The following PITPNM3 variants were observed in gnomAD, a reference collection of about 807,000 sequenced individuals.
PITPNM3 encodes PITPNM family member 3.
In PITPNM3, 26 loss-of-function variants were observed where a neutral mutation model predicts 102.0. That is an observed-to-expected ratio of 0.25 (90% CI 0.19 to 0.35). The LOEUF is 0.35. Among genes scored for constraint, PITPNM3 ranks in the 10% least tolerant of loss-of-function variants. PITPNM3 has a pLI of 1.00. For missense variants in PITPNM3, 1,083 were observed against 1,346.1 expected, an observed-to-expected ratio of 0.80 and a Z score of 3.06; for synonymous variants, 578 against 558.6, an observed-to-expected ratio of 1.03 and a Z score of -0.49.
At chr17:6,506,564 GT>G (rs1907522860) in intron 3 of PITPNM3, among the ~76,000 whole-genome samples, 2 of 152,122 alleles carry the variant, frequency 1.3e-5, no homozygotes, top group Admixed American at 1.3e-4. Context: ...TAAAGATGGG[GT>G]TTTACCATGT....
At chr17:6,456,557 C>G (rs1381991506) in intron 19 of PITPNM3, among the ~76,000 whole-genome samples, 1 of 152,174 alleles carries the variant, frequency 6.6e-6, no homozygotes, top group Non-Finnish European at 1.5e-5. Context: ...GCCCTCTCCC[C>G]GCCCCTAGGC....
rs534317191 is a variant in PITPNM3, at chr17:6,483,826, C to T, written c.352-74G>A. 6 of 1,257,824 alleles carry T rather than the reference C, an allele frequency of 4.8e-6. No homozygotes were observed. The South Asian group carries it at 7.2e-5, about 15-fold the overall frequency. 77.9% of individuals were successfully genotyped at this position (1,257,824 alleles called of 1,614,324 possible). ...GGGGAGGCACACAGGGACACACACA[C>T]ACATGTGCGCATACACACACACTCA... On this transcript the variant is annotated intron_variant, in intron 5 of 19. Transcript: ENST00000262483.
chr17:6,539,172 C>T (rs755561757), intron 1 of PITPNM3, among the ~76,000 whole-genome samples: 13 of 152,198 alleles, frequency 8.5e-5, no homozygotes, highest in Non-Finnish European at 1.6e-4. Context: ...CGGTAGTCAC[C>T]TCTAGGTACA....
intron 17 of PITPNM3, among the ~76,000 whole-genome samples, chr17:6,462,267 A>G (rs777322422): frequency 2.6e-4 from 39 of 152,212 alleles, no homozygotes; most frequent in Non-Finnish European, 4.7e-4. Flanking sequence ...ATTCCTGTAC[A>G]TCGCAAATCT....
At chr17:6,536,715 C>T (rs1909454307) in intron 2 of PITPNM3, among the ~76,000 whole-genome samples, 1 of 152,228 alleles carries the variant, frequency 6.6e-6, no homozygotes, top group South Asian at 2.1e-4. Context: ...AGACCACATC[C>T]CAAGTGTCCC....
At position 6,464,462 on chromosome 17, in the gene PITPNM3, G is replaced by T. The variant is rs1052664275; in HGVS notation, c.2008-144C>A. 2.4e-5 allele frequency: 27 copies of T among 1,112,520 alleles called. No individual in the cohort carries two copies. In the South Asian group the frequency reaches 3.6e-4, roughly 15 times the overall value. 68.9% of individuals were successfully genotyped at this position (1,112,520 alleles called of 1,614,324 possible). ...CAGCCTGGCTCCTCATTTGTCCTTG[G>T]ATACTCTGAGCCCATCCTTTCCTCC... On this transcript the variant is annotated intron_variant, in intron 15 of 19. Coordinates refer to ENST00000262483, the MANE Select transcript of PITPNM3 (RefSeq NM_031220.4).
At chr17:6,464,905 A>G in intron 14 of PITPNM3, 134 bp from the exon 15 acceptor site, 1 of 864,762 alleles carries the variant, frequency 1.2e-6, no homozygotes, top group South Asian at 1.4e-5. Context: ...CTTCTGCTAG[A>G]GTTTCAGAGA....
In PITPNM3 at chr17:6,556,050, G is replaced by A. The variant is rs879476083; in HGVS notation, c.22+335C>T. Among the ~76,000 whole-genome samples the A allele has an allele frequency of 1.3e-5, 2 of 152,042 alleles. No individual in the cohort carries two copies. Among genetic ancestry groups the A allele is most frequent in the African/African-American group, 2.4e-5 (1 of 41,432 alleles). On this transcript the variant is annotated intron_variant, in intron 1 of 19. Coordinates refer to ENST00000262483, the MANE Select transcript of PITPNM3 (RefSeq NM_031220.4). This position sits in a 1 kb window ranked among gnomAD's most constrained non-coding sequence, Gnocchi z 5.2. The stretch of plus-strand genomic sequence containing the variant: ...CGGCGGCCGCGGGACATCCCCTTCG[G>A]TGGCGAAGCCCGGGTCTGCCCGGGG...
intron 4 of PITPNM3, 115 bp downstream of exon 4, chr17:6,503,412 G>A (rs1597388750): frequency 2.4e-6 from 3 of 1,251,126 alleles, no homozygotes; most frequent in Non-Finnish European, 3.4e-6. Flanking sequence ...CAGGCAAGAT[G>A]GCAGGGATCC....
In PITPNM3 at chr17:6,491,836, T is replaced by TATATATATATATATATATAA. The variant is rs148932496; in HGVS notation, c.275-7545_275-7544insTTATATATATATATATATAT. ...AATGGAATATATATATATATATATA[T>TATATATATATATATATATAA]AATAAAGAATTAATTAAGAATTAAG... On this transcript the variant is annotated intron_variant, in intron 4 of 19. Coordinates refer to ENST00000262483, the MANE Select transcript of PITPNM3 (RefSeq NM_031220.4). Among the ~76,000 whole-genome samples, 248 of 139,252 alleles carry TATATATATATATATATATAA rather than the reference T, an allele frequency of 1.8e-3. 5 individuals are homozygous for TATATATATATATATATATAA. The highest frequency in any genetic ancestry group is 0.015 in the Middle Eastern group (4 of 264). The allele number at this position is 139,252 out of a possible 152,430, so 91.4% of individuals were successfully genotyped here.
intron 2 of PITPNM3, among the ~76,000 whole-genome samples, chr17:6,534,938 G>A (rs972289441): frequency 6.6e-6 from 1 of 152,216 alleles, no homozygotes; most frequent in African/African-American, 2.4e-5. Context: ...GTACCCAGCT[G>A]GTCTCTGCAG....
At chr17:6,471,059 C>G (rs1905042324) in intron 12 of PITPNM3, 102 bp downstream of exon 12, 1 of 1,393,392 alleles carries the variant, frequency 7.2e-7, no homozygotes. Context: ...TCTCCCTATC[C>G]CAGGGCCTGC....
Position 6,472,939 on chromosome 17 carries a change from C to T in PITPNM3, c.1259-112G>A. ...TAGCCTACTCCCCTCTCAAGAGCCT[C>T]CCCGGGCTCCCTGCTCCCCACGGGA... is the stretch of plus-strand genomic sequence containing the variant. On this transcript the variant is annotated intron_variant, in intron 10 of 19. Coordinates refer to ENST00000262483, the MANE Select transcript of PITPNM3 (RefSeq NM_031220.4). This position sits in a 1 kb window ranked among gnomAD's most constrained non-coding sequence, Gnocchi z 4.1. 7.8e-7 allele frequency: 1 copy of T among 1,279,722 alleles called. No individual in the cohort carries two copies. The highest frequency in any genetic ancestry group is 1.1e-6 in the Non-Finnish European group (1 of 906,056). The allele number at this position is 1,279,722 out of a possible 1,614,324, so 79.3% of individuals were successfully genotyped here. A position where few individuals can be genotyped will look rare whatever the true frequency, so the allele number is the denominator to read the frequency against.
At chr17:6,539,834 A>G (rs1183160825) in intron 1 of PITPNM3, among the ~76,000 whole-genome samples, 1 of 152,214 alleles carries the variant, frequency 6.6e-6, no homozygotes, top group Non-Finnish European at 1.5e-5. Context: ...CTAAGAAGTA[A>G]GAATTTGGAT....
At chr17:6,467,090 A>ACC (rs1597364780) in intron 14 of PITPNM3, among the ~76,000 whole-genome samples, 1 of 110,066 alleles carries the variant, frequency 9.1e-6, no homozygotes, top group East Asian at 2.7e-4. Flanking sequence ...CCAAAAAAAA[A>ACC]AAACAGGTGA....
intron 4 of PITPNM3, 103 bp downstream of exon 4, chr17:6,503,424 G>C: frequency 7.5e-7 from 1 of 1,335,416 alleles, no homozygotes. Flanking sequence ...CAGGGATCCT[G>C]CCATCCTTTC....
intron 4 of PITPNM3, among the ~76,000 whole-genome samples, chr17:6,495,514 C>A (rs1265031379): frequency 4.6e-5 from 7 of 152,144 alleles, no homozygotes; most frequent in Admixed American, 2.6e-4. Context: ...AGATGGAGAA[C>A]AACATAAGAA....
rs181237277 is a variant in PITPNM3, at chr17:6,544,027, G to A, written c.23-5945C>T. ...GTCTGCTGGCAGCTGTGACTCCAGGGACATTCAGATAACACGTGCAATTTC... is the reference window on the plus strand; with the variant it reads ...GTCTGCTGGCAGCTGTGACTCCAGGAACATTCAGATAACACGTGCAATTTC... On this transcript the variant is annotated intron_variant, in intron 1 of 19. Transcript: ENST00000262483. Among the ~76,000 whole-genome samples, 238 of 152,336 alleles carry A rather than the reference G, an allele frequency of 1.6e-3. 2 individuals are homozygous for A. Among genetic ancestry groups the A allele is most frequent in the East Asian group, 7.7e-4 (4 of 5,188 alleles).
intron 4 of PITPNM3, among the ~76,000 whole-genome samples, chr17:6,492,121 T>G (rs1415312124): frequency 1.7e-4 from 26 of 150,646 alleles, no homozygotes; most frequent in Non-Finnish European, 2.8e-4. Flanking sequence ...TGGAGTGCAG[T>G]GGCGCAATCT....
Sources: allele counts gnomAD v4.1 joint callset (sites outside exome capture counted in the v4.1 genomes callset), GRCh38; gene constraint gnomAD v4.1.1; non-coding constraint Gnocchi (gnomAD v3.1); transcripts MANE v1.5; gene names NCBI Gene and HGNC (gene_info 2026-07-23, HGNC 2026-07-21).